The following PRTFDC1 variants were observed in gnomAD, a reference collection of about 807,000 sequenced individuals.
The protein encoded by PRTFDC1 is phosphoribosyl transferase domain containing 1.
Under a neutral mutation model 34.6 loss-of-function variants are expected in PRTFDC1, and 38 were observed. The observed-to-expected ratio is 1.10, with a 90% CI of 0.85 to 1.44. The LOEUF is 1.44. Among genes scored for constraint, PRTFDC1 ranks in the 40% most tolerant of loss-of-function variants. The pLI, the probability that PRTFDC1 is intolerant of heterozygous loss-of-function variation, is 0.00. For synonymous variants in PRTFDC1, 93 were observed against 98.1 expected, an observed-to-expected ratio of 0.95 and a Z score of 0.31; for missense variants, 270 against 283.0, an observed-to-expected ratio of 0.95 and a Z score of 0.33.
At chr10:24,905,262 G>A (rs568270557) in intron 3 of PRTFDC1, among the ~76,000 whole-genome samples, 73 of 151,576 alleles carry the variant, frequency 4.8e-4, no homozygotes, top group Middle Eastern at 3.4e-3. Context: ...ACAGTGAGTC[G>A]AGACCATGCC....
At chr10:24,904,047 T>C (rs1382254832) in intron 3 of PRTFDC1, among the ~76,000 whole-genome samples, 1 of 152,126 alleles carries the variant, frequency 6.6e-6, no homozygotes, top group Admixed American at 6.6e-5. Context: ...AGTATCACTT[T>C]ATTCCTTCTT....
intron 3 of PRTFDC1, among the ~76,000 whole-genome samples, chr10:24,914,738 A>G (rs1443727891): frequency 6.6e-6 from 1 of 152,238 alleles, no homozygotes; most frequent in Non-Finnish European, 1.5e-5. Flanking sequence ...AAAGAACTTT[A>G]TTAAAACTAC....
intron 3 of PRTFDC1, among the ~76,000 whole-genome samples, chr10:24,904,442 C>G (rs1049868372): frequency 6.6e-6 from 1 of 152,116 alleles, no homozygotes; most frequent in African/African-American, 2.4e-5. Flanking sequence ...CATGCATTTC[C>G]ATCAGGTGTA....
At chr10:24,905,983 A>G (rs143831946) in intron 3 of PRTFDC1, among the ~76,000 whole-genome samples, 121 of 152,158 alleles carry the variant, frequency 8.0e-4, no homozygotes, top group African/African-American at 2.9e-3. Flanking sequence ...GCTCCCACCA[A>G]TAAGTGAGAA....
intron 3 of PRTFDC1, among the ~76,000 whole-genome samples, chr10:24,897,691 T>A (rs1466962250): frequency 6.6e-6 from 1 of 152,232 alleles, no homozygotes; most frequent in Non-Finnish European, 1.5e-5. Context: ...TTTTGGCCTA[T>A]AACATCGAGA....
At chr10:24,909,322 T>C (rs960856673) in intron 3 of PRTFDC1, among the ~76,000 whole-genome samples, 1 of 152,190 alleles carries the variant, frequency 6.6e-6, no homozygotes. Flanking sequence ...AAGAAAGAGA[T>C]ATTGTAGAAC....
chr10:24,848,922 A>AT lies in PRTFDC1; in HGVS notation c.*921dup, dbSNP rs1252648742. On this transcript the variant is annotated 3_prime_UTR_variant, in exon 9 of 9. Transcript: ENST00000320152. ...ATTTTGTGATCAGTCTTTTAAAGAT[A>AT]TTTTTTAAAAAATTCAACCTCTGTC... 1.3e-5 allele frequency: 2 copies of AT among 152,188 alleles called. No homozygotes were observed. The highest frequency in any genetic ancestry group is 1.3e-4 in the Admixed American group (2 of 15,266). 9.4% of individuals were successfully genotyped at this position (152,188 alleles called of 1,614,324 possible). A position where few individuals can be genotyped will look rare whatever the true frequency, so the allele number is the denominator to read the frequency against.
chr10:24,917,984 A>AT lies in PRTFDC1; in HGVS notation c.339+19199dup, dbSNP rs34865484. Among the ~76,000 whole-genome samples the AT allele has an allele frequency of 5.3e-5, 8 of 151,986 alleles. No homozygotes were observed. The South Asian group carries it at 1.5e-3, about 28-fold the overall frequency. On this transcript the variant is annotated intron_variant, in intron 3 of 8. Coordinates refer to ENST00000320152, the MANE Select transcript of PRTFDC1 (RefSeq NM_020200.7). ...CGTGTTTTTGGTACTTTTTTGGTTC[A>AT]TTTTTTTCTGAAAAATTAATCTTCA...
chr10:24,947,015 C>G (rs1849261134), intron 1 of PRTFDC1, among the ~76,000 whole-genome samples: 1 of 152,154 alleles, frequency 6.6e-6, no homozygotes, highest in Non-Finnish European at 1.5e-5. Flanking sequence ...TGGCGTGTGC[C>G]TGTAGTTTCA....
intron 3 of PRTFDC1, among the ~76,000 whole-genome samples, chr10:24,929,049 A>AAAG (rs1848928997): frequency 8.3e-6 from 1 of 119,912 alleles, no homozygotes; most frequent in Non-Finnish European, 1.8e-5. Context: ...TCAAAAAAAA[A>AAAG]AAAAAAGAAA....
At chr10:24,870,589 C>T (rs1489926676) in intron 4 of PRTFDC1, among the ~76,000 whole-genome samples, 1 of 152,144 alleles carries the variant, frequency 6.6e-6, no homozygotes, top group East Asian at 1.9e-4. Flanking sequence ...GTCGTTAAAA[C>T]TTATGAATTT....
chr10:24,929,052 A>AAAG lies in PRTFDC1; in HGVS notation c.339+8131_339+8132insCTT, dbSNP rs1554765609. On this transcript the variant is annotated intron_variant, in intron 3 of 8. Transcript: ENST00000320152. ...GCAGACTCCGTCTCAAAAAAAAAAA[A>AAAG]AAAGAAAGAAAGAAAGAAAGAAAGG... 5.6e-3 allele frequency among the ~76,000 whole-genome samples: 653 copies of AAAG among 116,522 alleles called. 14 individuals are homozygous for AAAG. The highest frequency in any genetic ancestry group is 0.01 in the Middle Eastern group (2 of 198). 76.4% of individuals were successfully genotyped at this position (116,522 alleles called of 152,430 possible).
intron 1 of PRTFDC1, among the ~76,000 whole-genome samples, chr10:24,946,938 C>G (rs965454460): frequency 6.6e-6 from 1 of 152,024 alleles, no homozygotes; most frequent in South Asian, 2.1e-4. Flanking sequence ...GAGTGTGAGA[C>G]CAGCCTGGGT....
intron 3 of PRTFDC1, among the ~76,000 whole-genome samples, chr10:24,903,280 C>T (rs1848477296): frequency 6.6e-6 from 1 of 152,122 alleles, no homozygotes; most frequent in African/African-American, 2.4e-5. Context: ...TACTAAGGTG[C>T]ATTTACTAAG....
intron 3 of PRTFDC1, among the ~76,000 whole-genome samples, chr10:24,929,352 T>C (rs1398615000): frequency 2.0e-5 from 3 of 152,168 alleles, no homozygotes; most frequent in Non-Finnish European, 2.9e-5. Context: ...GCTTCTTTAA[T>C]ACGAACGCCA....
intron 6 of PRTFDC1, 35 bp from the exon 7 acceptor site, chr10:24,855,399 A>G (rs201467318): frequency 3.1e-4 from 492 of 1,607,392 alleles, no homozygotes; most frequent in Non-Finnish European, 3.7e-4. Flanking sequence ...AGTGAACCCA[A>G]TCAAATCTCT....
chr10:24,938,758 C>T (rs1409689917), intron 2 of PRTFDC1, among the ~76,000 whole-genome samples: 2 of 152,194 alleles, frequency 1.3e-5, no homozygotes. Flanking sequence ...AGAGTGAGTT[C>T]AAGCCACCCA....
chr10:24,877,400 T>C (rs535556062), intron 3 of PRTFDC1, among the ~76,000 whole-genome samples: 1 of 152,318 alleles, frequency 6.6e-6, no homozygotes, highest in East Asian at 1.9e-4. Flanking sequence ...TTGTGTGTTT[T>C]TAATGAACGT....
intron 3 of PRTFDC1, among the ~76,000 whole-genome samples, chr10:24,874,682 CAAGT>C (rs1454050005): frequency 1.3e-5 from 2 of 152,192 alleles, no homozygotes; most frequent in Admixed American, 6.5e-5. Flanking sequence ...TGTTACCAAG[CAAGT>C]GTTACTTAAG....
Sources: allele counts gnomAD v4.1 joint callset (sites outside exome capture counted in the v4.1 genomes callset), GRCh38; gene constraint gnomAD v4.1.1; transcripts MANE v1.5; gene names NCBI Gene and HGNC (gene_info 2026-07-23, HGNC 2026-07-21).